PRKCA: variants seen among roughly 807,000 people sequenced by gnomAD.
PRKCA encodes the protein protein kinase C alpha type.
Under a neutral mutation model 87.0 loss-of-function variants are expected in PRKCA, and 27 were observed. That is an observed-to-expected ratio of 0.31 (90% CI 0.23 to 0.43). PRKCA has a LOEUF of 0.43. Ranked by LOEUF, PRKCA falls within the 20% of genes least tolerant of loss-of-function variation. The probability of loss-of-function intolerance (pLI) is 1.00; values close to 1 mark genes in which losing one functional copy is unlikely to be tolerated. For synonymous variants in PRKCA, 329 were observed against 311.1 expected (o/e 1.06, Z -0.61); for missense variants, 518 against 852.3 (o/e 0.61, Z 4.88).
At chr17:66,523,536 A>G (rs1288511474) in intron 3 of PRKCA, among the ~76,000 whole-genome samples, 1 of 152,220 alleles carries the variant, frequency 6.6e-6, no homozygotes, top group African/African-American at 2.4e-5. Context: ...TTTGCCCAGC[A>G]TATAGTAATC....
chr17:66,699,169 C>T (rs73329708), intron 8 of PRKCA, among the ~76,000 whole-genome samples: 20,590 of 145,578 alleles, frequency 0.14, 1,684 homozygotes, highest in East Asian at 0.27. Flanking sequence ...GTGTGAATAG[C>T]CAGTGCACTG....
At chr17:66,489,420 A>G (rs1248778434) in intron 2 of PRKCA, among the ~76,000 whole-genome samples, 1 of 142,648 alleles carries the variant, frequency 7.0e-6, no homozygotes, top group Non-Finnish European at 1.5e-5. Flanking sequence ...GAATATAGCA[A>G]TCCGTGTTAG....
At chr17:66,624,453 A>C (rs958755721) in intron 3 of PRKCA, among the ~76,000 whole-genome samples, 1 of 152,132 alleles carries the variant, frequency 6.6e-6, no homozygotes, top group Non-Finnish European at 1.5e-5. Flanking sequence ...GAGGGTTCTA[A>C]ATTTGCACTC....
chr17:66,361,461 GCCA>G (rs1379101906), intron 2 of PRKCA, among the ~76,000 whole-genome samples: 2 of 151,928 alleles, frequency 1.3e-5, no homozygotes, highest in Non-Finnish European at 2.9e-5. Context: ...ACAGGCACCC[GCCA>G]CCACGCCTGG....
At chr17:66,461,196 A>AC (rs1248181469) in intron 2 of PRKCA, among the ~76,000 whole-genome samples, 2 of 104,962 alleles carry the variant, frequency 1.9e-5, no homozygotes, top group African/African-American at 7.1e-5. Context: ...AAAAAATGAG[A>AC]CCCCATCTCA....
At chr17:66,794,652 G>A (rs896804483) in intron 16 of PRKCA, among the ~76,000 whole-genome samples, 10 of 143,456 alleles carry the variant, frequency 7.0e-5, no homozygotes, top group Admixed American at 4.3e-4. Flanking sequence ...ACGGAGTTTC[G>A]CTCTATCACC....
intron 1 of PRKCA, among the ~76,000 whole-genome samples, chr17:66,304,058 A>G (rs561034306): frequency 6.6e-6 from 1 of 152,314 alleles, no homozygotes; most frequent in Admixed American, 6.5e-5. Flanking sequence ...CCTGTTGATG[A>G]GGGCAGAGGC....
intron 13 of PRKCA, among the ~76,000 whole-genome samples, chr17:66,752,362 G>T (rs1461536553): frequency 6.6e-6 from 1 of 152,140 alleles, no homozygotes; most frequent in African/African-American, 2.4e-5. Flanking sequence ...TGGGAGGCCG[G>T]GGTGGGAGGA....
At chr17:66,735,277 T>C (rs1456102308) in intron 9 of PRKCA, among the ~76,000 whole-genome samples, 1 of 152,256 alleles carries the variant, frequency 6.6e-6, no homozygotes, top group East Asian at 1.9e-4. Flanking sequence ...TTACAAATCT[T>C]GGCAGCATTG....
intron 14 of PRKCA, among the ~76,000 whole-genome samples, chr17:66,784,148 C>G (rs574548256): frequency 6.6e-6 from 1 of 152,194 alleles, no homozygotes. Flanking sequence ...CTGCCCCGCT[C>G]CCTGCCAGGG....
At chr17:66,623,912 G>T (rs766499073) in intron 3 of PRKCA, among the ~76,000 whole-genome samples, 2 of 152,068 alleles carry the variant, frequency 1.3e-5, no homozygotes, top group Admixed American at 1.3e-4. Context: ...GCAAGGAAAT[G>T]TTTAAAACCT....
At chr17:66,456,600 G>A (rs1440950259) in intron 2 of PRKCA, among the ~76,000 whole-genome samples, 1 of 152,202 alleles carries the variant, frequency 6.6e-6, no homozygotes, top group Non-Finnish European at 1.5e-5. Flanking sequence ...CCCTGTGCTG[G>A]CTTCCAACCA....
At chr17:66,649,290 T>G (rs1971530709) in intron 5 of PRKCA, among the ~76,000 whole-genome samples, 1 of 152,214 alleles carries the variant, frequency 6.6e-6, no homozygotes, top group Non-Finnish European at 1.5e-5. Flanking sequence ...ATTATCTGCC[T>G]GCACCTTCTC....
intron 8 of PRKCA, among the ~76,000 whole-genome samples, chr17:66,698,304 A>G (rs928921349): frequency 2.6e-5 from 4 of 152,252 alleles, no homozygotes; most frequent in Admixed American, 2.0e-4. Flanking sequence ...TGACCTGACA[A>G]TTTAATTGTT....
At chr17:66,770,220 T>C (rs1974902926) in intron 13 of PRKCA, among the ~76,000 whole-genome samples, 1 of 152,246 alleles carries the variant, frequency 6.6e-6, no homozygotes, top group African/African-American at 2.4e-5. Flanking sequence ...CACTTATCTA[T>C]TTATTCATTA....
At chr17:66,393,324 A>G (rs929418619) in intron 2 of PRKCA, among the ~76,000 whole-genome samples, 4 of 152,064 alleles carry the variant, frequency 2.6e-5, no homozygotes, top group African/African-American at 4.8e-5. Context: ...GCTTCTGATG[A>G]TTTTGTTCAT....
intron 8 of PRKCA, among the ~76,000 whole-genome samples, chr17:66,706,248 A>G (rs991353915): frequency 6.6e-5 from 10 of 152,218 alleles, no homozygotes; most frequent in African/African-American, 2.2e-4. Flanking sequence ...GATAGACTTC[A>G]TCACCCCCAG....
At chr17:66,554,880 C>CTTTTTTT (rs565435672) in intron 3 of PRKCA, among the ~76,000 whole-genome samples, 27,144 of 137,284 alleles carry the variant, frequency 0.2, 2,685 homozygotes, top group African/African-American at 0.26. Context: ...ATTGTAAATT[C>CTTTTTTT]TTTTTTTTTT....
intron 2 of PRKCA, among the ~76,000 whole-genome samples, chr17:66,369,694 C>A (rs996138772): frequency 6.6e-6 from 1 of 152,310 alleles, no homozygotes; most frequent in East Asian, 1.9e-4. Flanking sequence ...TCTGTCCACT[C>A]TTTTCTGGGA....
Sources: allele counts gnomAD v4.1 joint callset (sites outside exome capture counted in the v4.1 genomes callset), GRCh38; gene constraint gnomAD v4.1.1; transcripts MANE v1.5; gene names NCBI Gene and HGNC (gene_info 2026-07-23, HGNC 2026-07-21).